Variants in LRP1B observed in about 807,000 individuals in gnomAD.
The protein encoded by LRP1B is low-density lipoprotein receptor-related protein 1B.
A neutral mutation model predicts 556.6 loss-of-function variants in LRP1B; 217 were observed. The observed-to-expected ratio is 0.39, with a 90% CI of 0.35 to 0.44. The LOEUF (loss-of-function observed/expected upper bound fraction) is 0.44, where lower values mean the gene tolerates loss of function less well. Among genes scored for constraint, LRP1B ranks in the 20% least tolerant of loss-of-function variants. LRP1B has a pLI of 1.00. For missense variants in LRP1B, 5,053 were observed against 5,620.8 expected (o/e 0.90, Z 3.23); for synonymous variants, 2,047 against 1,865.8 (o/e 1.10, Z -2.50).
chr2:141,359,311 A>G (rs558094472), intron 3 of LRP1B, among the ~76,000 whole-genome samples: 1 of 151,430 alleles, frequency 6.6e-6, no homozygotes, highest in South Asian at 2.1e-4. Context: ...TACAAATGCT[A>G]TTAAAAAATA....
At chr2:140,742,471 A>G (rs1252652108) in intron 35 of LRP1B, among the ~76,000 whole-genome samples, 1 of 152,220 alleles carries the variant, frequency 6.6e-6, no homozygotes, top group Non-Finnish European at 1.5e-5. Context: ...AATATATGTT[A>G]TATCCCAAAT....
At chr2:140,803,335 C>T (rs1240063289) in intron 32 of LRP1B, among the ~76,000 whole-genome samples, 12 of 134,976 alleles carry the variant, frequency 8.9e-5, no homozygotes, top group South Asian at 2.5e-4. Flanking sequence ...AGTGCAGTGG[C>T]GCGCGATCTT....
intron 7 of LRP1B, among the ~76,000 whole-genome samples, chr2:141,115,638 T>TGC (rs1558870911): frequency 2.1e-4 from 14 of 66,962 alleles, no homozygotes; most frequent in Admixed American, 7.3e-4. Flanking sequence ...TGTGTGTGTG[T>TGC]GTGTGTGTGT....
chr2:142,118,201 C>T (rs904419004), intron 1 of LRP1B, among the ~76,000 whole-genome samples: 2 of 152,064 alleles, frequency 1.3e-5, no homozygotes, highest in African/African-American at 4.8e-5. Context: ...ACTCAACTCT[C>T]ACTTACATAG....
chr2:141,972,196 G>C (rs750146193), intron 1 of LRP1B, among the ~76,000 whole-genome samples: 36 of 151,538 alleles, frequency 2.4e-4, no homozygotes, highest in Admixed American at 8.6e-4. Context: ...GCATGCGACA[G>C]TCACCATGAT....
At chr2:140,570,081 T>C (rs910976104) in intron 43 of LRP1B, among the ~76,000 whole-genome samples, 19 of 151,634 alleles carry the variant, frequency 1.3e-4, no homozygotes, top group African/African-American at 4.6e-4. Flanking sequence ...CATCATCAAG[T>C]AGAAAGATAT....
intron 32 of LRP1B, among the ~76,000 whole-genome samples, chr2:140,800,575 T>A (rs1037912872): frequency 2.6e-5 from 4 of 152,334 alleles, no homozygotes; most frequent in South Asian, 2.1e-4. Flanking sequence ...GAATGTTTTT[T>A]AAAAATTTAG....
chr2:140,912,955 A>ATTTAAATTTTTTAAATTTTAGTT (rs1491361642), intron 21 of LRP1B, among the ~76,000 whole-genome samples: 2 of 151,174 alleles, frequency 1.3e-5, no homozygotes, highest in African/African-American at 4.9e-5. Flanking sequence ...TTTTAGTTTA[A>ATTTAAATTTTTTAAATTTTAGTT]TAAAAAGATA....
At chr2:140,423,942 A>AAAACTGTAT (rs1370357539) in intron 66 of LRP1B, among the ~76,000 whole-genome samples, 2 of 152,194 alleles carry the variant, frequency 1.3e-5, no homozygotes, top group Admixed American at 1.3e-4. Flanking sequence ...TCTAAAAATT[A>AAAACTGTAT]AAACTGTATT....
chr2:140,506,667 T>TCAGTGA lies in LRP1B; in HGVS notation c.8521+128_8521+129insTCACTG, dbSNP rs1171529237. On this transcript the variant is annotated intron_variant, in intron 53 of 90. Transcript: ENST00000389484. ...AGTTATATGTGCTGTGATTGTGTAT[T>TCAGTGA]ACTGAATTCACTGGGTGTTGATGAC... The TCAGTGA allele has an allele frequency of 9.4e-5, 80 of 852,656 alleles. No homozygotes were observed. In the African/African-American group the frequency reaches 1.3e-3, roughly 14 times the overall value. The allele number at this position is 852,656 out of a possible 1,614,324, so 52.8% of individuals were successfully genotyped here.
At chr2:140,500,420 G>A (rs1028667473) in intron 55 of LRP1B, among the ~76,000 whole-genome samples, 3 of 151,908 alleles carry the variant, frequency 2.0e-5, no homozygotes, top group African/African-American at 7.2e-5. Context: ...GCTAAGGCTG[G>A]CAGGAACAAT....
At chr2:140,618,951 C>A (rs747825291) in intron 41 of LRP1B, among the ~76,000 whole-genome samples, 2 of 152,032 alleles carry the variant, frequency 1.3e-5, no homozygotes, top group African/African-American at 4.8e-5. Context: ...ACTTCCCATA[C>A]CTCTCTCCTC....
chr2:141,737,919 G>C (rs1298294258), intron 2 of LRP1B, among the ~76,000 whole-genome samples: 1 of 152,060 alleles, frequency 6.6e-6, no homozygotes, highest in Non-Finnish European at 1.5e-5. Context: ...TCATGATAGA[G>C]TATTTGCTGT....
At chr2:140,939,383 A>T (rs971946648) in intron 20 of LRP1B, among the ~76,000 whole-genome samples, 1 of 151,566 alleles carries the variant, frequency 6.6e-6, no homozygotes, top group Admixed American at 6.6e-5. Context: ...TTAAAACAGA[A>T]GAATAAGAGC....
At chr2:141,875,663 G>T (rs1037161619) in intron 1 of LRP1B, among the ~76,000 whole-genome samples, 3 of 151,950 alleles carry the variant, frequency 2.0e-5, no homozygotes, top group East Asian at 3.9e-4. Flanking sequence ...GAATGAAAGC[G>T]ATTACTTATT....
intron 3 of LRP1B, among the ~76,000 whole-genome samples, chr2:141,287,446 C>T (rs994216449): frequency 1.8e-4 from 28 of 151,924 alleles, no homozygotes; most frequent in African/African-American, 6.8e-4. Context: ...CCTCAGACTC[C>T]CGAGTAGCTG....
chr2:141,400,938 C>A (rs999178858), intron 3 of LRP1B, among the ~76,000 whole-genome samples: 2 of 152,110 alleles, frequency 1.3e-5, no homozygotes, highest in African/African-American at 4.8e-5. Flanking sequence ...ATAGATGCAT[C>A]ATTCCATTTT....
intron 11 of LRP1B, among the ~76,000 whole-genome samples, chr2:141,046,555 A>C (rs187925618): frequency 2.8e-4 from 42 of 152,160 alleles, no homozygotes; most frequent in African/African-American, 9.9e-4. Flanking sequence ...AATTTGCAAA[A>C]TGTTCTCATA....
intron 3 of LRP1B, among the ~76,000 whole-genome samples, chr2:141,311,263 T>C (rs1357450378): frequency 6.6e-6 from 1 of 152,186 alleles, no homozygotes; most frequent in Non-Finnish European, 1.5e-5. Context: ...TTCTTTGTTG[T>C]AATCTTTTTT....
Sources: allele counts gnomAD v4.1 joint callset (sites outside exome capture counted in the v4.1 genomes callset), GRCh38; gene constraint gnomAD v4.1.1; transcripts MANE v1.5; gene names NCBI Gene and HGNC (gene_info 2026-07-23, HGNC 2026-07-21).